The following IQGAP2 variants were observed in gnomAD, a reference collection of about 807,000 sequenced individuals.
IQGAP2 encodes the protein ras GTPase-activating-like protein IQGAP2.
IQGAP2 carries 173 observed loss-of-function variants against 201.3 expected under a neutral mutation model. The ratio of observed to expected loss-of-function variants is 0.86; its 90% CI spans 0.76 to 0.98. The LOEUF (loss-of-function observed/expected upper bound fraction) is 0.98, where lower values mean the gene tolerates loss of function less well. Ranked by LOEUF, IQGAP2 falls within the 50% of genes least tolerant of loss-of-function variation. The probability of loss-of-function intolerance (pLI) is 0.00; values close to 1 mark genes in which losing one functional copy is unlikely to be tolerated. For synonymous variants in IQGAP2, 675 were observed against 673.9 expected, an observed-to-expected ratio of 1.00 and a Z score of -0.03; for missense variants, 1,687 against 1,864.8, an observed-to-expected ratio of 0.90 and a Z score of 1.76.
chr5:76,684,696 T>C (rs1341590747), intron 30 of IQGAP2, among the ~76,000 whole-genome samples: 1 of 152,212 alleles, frequency 6.6e-6, no homozygotes, highest in African/African-American at 2.4e-5. Context: ...GGAACAAGTA[T>C]GTGTTGAAAC....
At chr5:76,554,474 A>G (rs1743778108) in intron 2 of IQGAP2, among the ~76,000 whole-genome samples, 1 of 152,224 alleles carries the variant, frequency 6.6e-6, no homozygotes, top group Admixed American at 6.5e-5. Flanking sequence ...AAAAGTAAAA[A>G]GACAAATAAT....
At chr5:76,448,962 G>C (rs556039790) in intron 1 of IQGAP2, among the ~76,000 whole-genome samples, 26 of 152,240 alleles carry the variant, frequency 1.7e-4, no homozygotes, top group Admixed American at 1.3e-3. Flanking sequence ...CCAGCTTCTT[G>C]ATTTTGAGCT....
chr5:76,626,270 CTTTTTTT>C (rs34251090), intron 13 of IQGAP2, among the ~76,000 whole-genome samples: 1 of 83,654 alleles, frequency 1.2e-5, no homozygotes, highest in African/African-American at 5.0e-5. Flanking sequence ...TTCTTCTTTT[CTTTTTTT>C]TTTTTTTTTT....
At chr5:76,653,088 T>C (rs1752646617) in intron 18 of IQGAP2, among the ~76,000 whole-genome samples, 1 of 152,240 alleles carries the variant, frequency 6.6e-6, no homozygotes, top group African/African-American at 2.4e-5. Flanking sequence ...CTATAACCAA[T>C]AAATGTTCTT....
At chr5:76,673,812 G>A in intron 25 of IQGAP2, 140 bp from the exon 26 acceptor site, 1 of 682,714 alleles carries the variant, frequency 1.5e-6, no homozygotes, top group Non-Finnish European at 2.5e-6. Context: ...TGGAAGTCCT[G>A]TGATTCCATT....
At chr5:76,598,194 T>TG (rs1747175035) in intron 10 of IQGAP2, among the ~76,000 whole-genome samples, 1 of 152,148 alleles carries the variant, frequency 6.6e-6, no homozygotes, top group African/African-American at 2.4e-5. Flanking sequence ...TTCAAGAAGG[T>TG]GGGGAAACAA....
intron 5 of IQGAP2, among the ~76,000 whole-genome samples, chr5:76,585,430 A>G (rs919592677): frequency 4.6e-5 from 7 of 152,142 alleles, no homozygotes; most frequent in African/African-American, 1.7e-4. Context: ...GGAAAGTGCA[A>G]ATCAGGTAGT....
chr5:76,597,429 C>G lies in IQGAP2; in HGVS notation c.908-10C>G. On this transcript the variant is annotated splice_polypyrimidine_tract_variant and intron_variant, in intron 9 of 35. Transcript: ENST00000274364. Reference sequence around the variant, plus strand: ...AACCATTCTGACAAAACATGAACCCCCATCCTCAGGGCAGGCTGCAGTGGA... The same window carrying G: ...AACCATTCTGACAAAACATGAACCCGCATCCTCAGGGCAGGCTGCAGTGGA... 6.2e-7 allele frequency: 1 copy of G among 1,613,418 alleles called. No individual in the cohort carries two copies. The highest frequency in any genetic ancestry group is 8.5e-7 in the Non-Finnish European group (1 of 1,179,716).
chr5:76,496,760 T>TCTTTCTTTCTTTCCTTC (rs1561416535), intron 2 of IQGAP2, among the ~76,000 whole-genome samples: 3 of 89,328 alleles, frequency 3.4e-5, no homozygotes, highest in African/African-American at 1.8e-4. Context: ...TTTCTTTCTT[T>TCTTTCTTTCTTTCCTTC]CTTTCTTTCT....
rs1300014157 is a variant in IQGAP2, at chr5:76,701,076, A to C, written c.4368A>C (p.Lys1456Asn). Residue 1456 changes from lysine to asparagine, a missense_variant and splice_region_variant, in exon 34 of 36, where the codon AAA becomes AAC. By Grantham distance (94) the Lys-to-Asn change is moderately conservative. Coordinates refer to ENST00000274364, the MANE Select transcript of IQGAP2 (RefSeq NM_006633.5). The stretch of plus-strand genomic sequence containing the variant: ...AAATGTTCTGTTCTTATTTTGTCAG[A>C]AATACTCGGAGATCAATTAAACTAG... ...IKTCLDNLKR[K>N]NTRRSIKLDG... 2 of 1,613,974 alleles carry C rather than the reference A, an allele frequency of 1.2e-6. No individual in the cohort carries two copies. Among genetic ancestry groups the C allele is most frequent in the Non-Finnish European group, 1.7e-6 (2 of 1,179,980 alleles).
At chr5:76,422,643 C>G (rs192659681) in intron 1 of IQGAP2, among the ~76,000 whole-genome samples, 144 of 152,218 alleles carry the variant, frequency 9.5e-4, no homozygotes, top group African/African-American at 3.4e-3. Flanking sequence ...ATCTTAACCC[C>G]GAGTCTCTGG....
chr5:76,439,179 T>C (rs1752887280), intron 1 of IQGAP2, among the ~76,000 whole-genome samples: 2 of 152,226 alleles, frequency 1.3e-5, no homozygotes, highest in Admixed American at 1.3e-4. Flanking sequence ...ACTTTTGGAG[T>C]TGATTTCTAG....
intron 17 of IQGAP2, among the ~76,000 whole-genome samples, chr5:76,646,071 T>C (rs555344480): frequency 1.3e-5 from 2 of 152,304 alleles, no homozygotes; most frequent in Admixed American, 1.3e-4. Flanking sequence ...ATTTATAATA[T>C]ACATTCAAAC....
At chr5:76,526,134 T>A in intron 2 of IQGAP2, among the ~76,000 whole-genome samples, 1 of 152,246 alleles carries the variant, frequency 6.6e-6, no homozygotes, top group Non-Finnish European at 1.5e-5. Flanking sequence ...TGTACCACCT[T>A]AGGCAAGTTA....
At chr5:76,443,098 A>G (rs1403669623) in intron 1 of IQGAP2, among the ~76,000 whole-genome samples, 1 of 152,174 alleles carries the variant, frequency 6.6e-6, no homozygotes. Context: ...TAAATACACC[A>G]TGTTGTAGTT....
chr5:76,497,726 C>T (rs755169321), intron 2 of IQGAP2, among the ~76,000 whole-genome samples: 2 of 152,124 alleles, frequency 1.3e-5, no homozygotes. Flanking sequence ...GTATTGCAAA[C>T]GACAAAGTGA....
chr5:76,618,203 G>A lies in IQGAP2; in HGVS notation c.1521+7020G>A, dbSNP rs180737542. ...TGTTGCCATAGAAGATGACTGTGGTGGCCCGGCACAGGACCTCTCCAAATA... is the reference window on the plus strand; with the variant it reads ...TGTTGCCATAGAAGATGACTGTGGTAGCCCGGCACAGGACCTCTCCAAATA... On this transcript the variant is annotated intron_variant, in intron 13 of 35. Transcript: ENST00000274364. 1.2e-4 allele frequency: 195 copies of A among 1,614,182 alleles called. 1 individual carries two copies. The East Asian group carries it at 4.2e-3, about 35-fold the overall frequency.
At chr5:76,507,643 T>G (rs1329627810) in intron 2 of IQGAP2, among the ~76,000 whole-genome samples, 1 of 152,064 alleles carries the variant, frequency 6.6e-6, no homozygotes, top group Non-Finnish European at 1.5e-5. Context: ...AAAAGATATA[T>G]CTGATAAAAG....
intron 10 of IQGAP2, among the ~76,000 whole-genome samples, chr5:76,599,831 T>G (rs1439901765): frequency 2.6e-5 from 4 of 152,198 alleles, no homozygotes; most frequent in Non-Finnish European, 5.9e-5. Flanking sequence ...CTCCTGCTCC[T>G]TATGTCCCTT....
Sources: gnomAD v4.1 joint callset for allele counts (sites outside exome capture counted in the v4.1 genomes callset) on GRCh38, gnomAD v4.1.1 for gene constraint, MANE v1.5 for transcripts, NCBI Gene and HGNC (gene_info 2026-07-23, HGNC 2026-07-21) for gene names.